The following NELL1 variants were observed in gnomAD, a reference collection of about 807,000 sequenced individuals.
NELL1 encodes the protein protein kinase C-binding protein NELL1.
NELL1 carries 76 observed loss-of-function variants against 107.4 expected under a neutral mutation model. The ratio of observed to expected loss-of-function variants is 0.71; its 90% CI spans 0.59 to 0.86. The LOEUF (loss-of-function observed/expected upper bound fraction) is 0.86. Among genes scored for constraint, NELL1 ranks in the 40% least tolerant of loss-of-function variants. The pLI, the probability that NELL1 is intolerant of heterozygous loss-of-function variation, is 0.00. For synonymous variants in NELL1, 353 were observed against 341.2 expected (o/e 1.03, Z -0.38); for missense variants, 1,024 against 1,005.5 (o/e 1.02, Z -0.25).
chr11:21,110,400 T>C (rs1225827841), intron 12 of NELL1, among the ~76,000 whole-genome samples: 2 of 152,144 alleles, frequency 1.3e-5, no homozygotes, highest in African/African-American at 2.4e-5. Flanking sequence ...CCTTGTTTGA[T>C]TTTTGAAAAT....
At chr11:21,340,762 A>G (rs545533615) in intron 14 of NELL1, among the ~76,000 whole-genome samples, 134 of 152,258 alleles carry the variant, frequency 8.8e-4, no homozygotes, top group African/African-American at 3.1e-3. Context: ...AAGATTGTGA[A>G]GATGGGAGAG....
At chr11:20,923,411 C>A (rs981560610) in intron 7 of NELL1, among the ~76,000 whole-genome samples, 2 of 152,160 alleles carry the variant, frequency 1.3e-5, no homozygotes, top group African/African-American at 4.8e-5. Flanking sequence ...TTTGGCAAAA[C>A]TATACTTTTT....
chr11:21,086,871 G>C (rs891377679), intron 12 of NELL1, among the ~76,000 whole-genome samples: 7 of 129,928 alleles, frequency 5.4e-5, no homozygotes, highest in Non-Finnish European at 1.1e-4. Flanking sequence ...TCACTCTGTC[G>C]CCCAGGCTGC....
intron 17 of NELL1, among the ~76,000 whole-genome samples, chr11:21,565,513 G>A (rs1856949628): frequency 6.6e-6 from 1 of 151,886 alleles, no homozygotes; most frequent in Non-Finnish European, 1.5e-5. Flanking sequence ...CTGGGGTGGG[G>A]TGCAAGAATT....
intron 12 of NELL1, among the ~76,000 whole-genome samples, chr11:21,040,539 T>C (rs1853204964): frequency 1.3e-5 from 2 of 152,196 alleles, no homozygotes; most frequent in South Asian, 4.1e-4. Flanking sequence ...TAGTCCTGGC[T>C]CGGACCCTTC....
intron 12 of NELL1, among the ~76,000 whole-genome samples, chr11:21,037,665 A>G (rs1023941572): frequency 6.6e-6 from 1 of 152,176 alleles, no homozygotes; most frequent in Admixed American, 6.5e-5. Flanking sequence ...AAACCTGGTT[A>G]TAGAGATTGG....
intron 14 of NELL1, among the ~76,000 whole-genome samples, chr11:21,296,352 C>T (rs865900984): frequency 2.5e-4 from 38 of 151,902 alleles, no homozygotes; most frequent in African/African-American, 7.2e-4. Context: ...TTCCTGGGAG[C>T]GTAGTCTCAC....
chr11:21,171,910 TG>T (rs1257443556), intron 13 of NELL1, among the ~76,000 whole-genome samples: 16 of 151,938 alleles, frequency 1.1e-4, no homozygotes, highest in Admixed American at 1.0e-3. Context: ...CTTAGTAAGA[TG>T]TTTTTATTGT....
At chr11:21,248,189 C>CA (rs1858543016) in intron 14 of NELL1, among the ~76,000 whole-genome samples, 1 of 151,786 alleles carries the variant, frequency 6.6e-6, no homozygotes, top group Admixed American at 6.6e-5. Flanking sequence ...TACCAAAATA[C>CA]AAAAAATTAG....
At chr11:21,252,300 A>G (rs1858659189) in intron 14 of NELL1, among the ~76,000 whole-genome samples, 1 of 152,146 alleles carries the variant, frequency 6.6e-6, no homozygotes, top group Non-Finnish European at 1.5e-5. Context: ...GGGTAGATCC[A>G]ATTGGTTTTC....
chr11:20,895,381 A>G (rs931886232), intron 5 of NELL1, among the ~76,000 whole-genome samples: 3 of 140,318 alleles, frequency 2.1e-5, no homozygotes, highest in Non-Finnish European at 4.5e-5. Flanking sequence ...TCCTTGCTCC[A>G]TGTACCCCAT....
intron 13 of NELL1, among the ~76,000 whole-genome samples, chr11:21,117,352 G>A (rs562213019): frequency 6.6e-6 from 1 of 152,034 alleles, no homozygotes; most frequent in Non-Finnish European, 1.5e-5. Context: ...GAGAGCAGGG[G>A]CCTTTTTCCT....
intron 12 of NELL1, among the ~76,000 whole-genome samples, chr11:21,068,263 G>A (rs1158289423): frequency 6.6e-6 from 1 of 151,938 alleles, no homozygotes; most frequent in Non-Finnish European, 1.5e-5. Flanking sequence ...ATATCATGTG[G>A]TATGTTCAGT....
intron 1 of NELL1, among the ~76,000 whole-genome samples, chr11:20,675,209 A>G (rs1376047909): frequency 1.3e-5 from 2 of 152,218 alleles, no homozygotes; most frequent in African/African-American, 4.8e-5. Context: ...GGCCAAAACA[A>G]GTTACATGGC....
intron 12 of NELL1, among the ~76,000 whole-genome samples, chr11:20,980,764 C>T (rs1851733987): frequency 6.6e-6 from 1 of 152,152 alleles, no homozygotes. Flanking sequence ...CCCAGGGAGT[C>T]CAAGGCCCTG....
At chr11:21,295,865 A>T (rs1183608465) in intron 14 of NELL1, among the ~76,000 whole-genome samples, 1 of 152,090 alleles carries the variant, frequency 6.6e-6, no homozygotes, top group Non-Finnish European at 1.5e-5. Context: ...AAAATGACTT[A>T]ACTTCACAAA....
chr11:21,500,778 A>G lies in NELL1; in HGVS notation c.1646-33596A>G, dbSNP rs189118443. Among the ~76,000 whole-genome samples, 5 of 152,202 alleles carry G rather than the reference A, an allele frequency of 3.3e-5. No homozygotes were observed. In the East Asian group the frequency reaches 9.7e-4, roughly 29 times the overall value. On this transcript the variant is annotated intron_variant, in intron 15 of 19. Transcript: ENST00000357134. ...AGTTTGTTTTACAATCTGTTTTCAG[A>G]TATGTTACCTCATTTGAACTTTATT...
At chr11:21,073,311 G>A (rs35316289) in intron 12 of NELL1, among the ~76,000 whole-genome samples, 12,916 of 152,118 alleles carry the variant, frequency 0.085, 720 homozygotes, top group Admixed American at 0.12. Context: ...GAGGGTACAC[G>A]TTCCAGGATG....
rs1401890586 is a variant in NELL1 at position 21,560,392 on chromosome 11, A to T, written c.1980+10A>T. On this transcript the variant is annotated intron_variant, in intron 17 of 19. Transcript: ENST00000357134. The stretch of plus-strand genomic sequence containing the variant: ...TGTCTGCTCCTGCAAGGTGAGGCTG[A>T]TGTGGTGCAGCAGAAATTGAAACTG... 2 of 1,552,066 alleles carry T rather than the reference A, an allele frequency of 1.3e-6. No individual in the cohort carries two copies. The highest frequency in any genetic ancestry group is 1.4e-5 in the African/African-American group (1 of 72,550).
Sources: allele counts gnomAD v4.1 joint callset (sites outside exome capture counted in the v4.1 genomes callset), GRCh38; gene constraint gnomAD v4.1.1; transcripts MANE v1.5; gene names NCBI Gene and HGNC (gene_info 2026-07-23, HGNC 2026-07-21).